NOP56: variants seen among roughly 807,000 people sequenced by gnomAD.
The protein encoded by NOP56 is nucleolar protein 56.
In NOP56, 31 loss-of-function variants were observed where a neutral mutation model predicts 58.3. The observed-to-expected ratio is 0.53, with a 90% confidence interval of 0.40 to 0.72. The LOEUF is 0.72. Among genes scored for constraint, NOP56 ranks in the 30% least tolerant of loss-of-function variants. NOP56 has a pLI of 0.00. For missense variants in NOP56, 669 were observed against 739.9 expected (o/e 0.90, Z 1.11); for synonymous variants, 313 against 282.8 (o/e 1.11, Z -1.07).
chr20:2,655,146 A>G (rs1414550465), intron 5 of NOP56, 179 bp from the exon 6 acceptor site: 2 of 1,032,464 alleles, frequency 1.9e-6, no homozygotes, highest in Non-Finnish European at 3.1e-6. Context: ...TACCCCATAT[A>G]CACCTCAGCT....
chr20:2,652,842 G>T lies in NOP56; in HGVS notation c.4G>T (p.Val2Leu), dbSNP rs1414345034. The T allele has an allele frequency of 6.8e-6, 11 of 1,610,434 alleles. No homozygotes were observed. The highest frequency in any genetic ancestry group is 9.3e-6 in the Non-Finnish European group (11 of 1,178,964). Residue 2 changes from valine to leucine, a missense_variant and splice_region_variant, in exon 2 of 12, where the codon GTG becomes TTG. Physicochemically the swap from Val to Leu is conservative, Grantham distance 32 (BLOSUM62 1). Coordinates refer to ENST00000329276, the MANE Select transcript of NOP56 (RefSeq NM_006392.4). M[V>L]LLHVLFEHAV... is the part of the protein sequence containing the mutation. ...GCTCGCGCCCCGGCTCCCGTTCCAG[G>T]TGCTGTTGCACGTGCTGTTTGAGCA...
chr20:2,657,854 C>G (rs2086847627), intron 11 of NOP56, 75 bp from the exon 12 acceptor site: 1 of 1,478,546 alleles, frequency 6.8e-7, no homozygotes, highest in Non-Finnish European at 9.1e-7. Context: ...ACGCGTTCCC[C>G]TGCCTTGGCT....
At chr20:2,653,004 G>C in intron 2 of NOP56, 73 bp downstream of exon 2, 1 of 1,368,794 alleles carries the variant, frequency 7.3e-7, no homozygotes, top group Non-Finnish European at 9.9e-7. Flanking sequence ...TGCACAGCGC[G>C]CTCCCACGTG....
rs762613579 is a variant in NOP56 at position 2,655,420 on chromosome 20, A to G, written c.665A>G (p.Glu222Gly). 6.2e-7 allele frequency: 1 copy of G among 1,614,066 alleles called. No homozygotes were observed. Among genetic ancestry groups the G allele is most frequent in the Admixed American group, 1.7e-5 (1 of 60,010 alleles). ...GCCCAGTTTATTGGAAACCGAAGGG[A>G]ACTGAATGAGGACAAGCTGGAGAAG... Reference protein sequence around the residue: ...RLAQFIGNRRELNEDKLEKLE... With the variant: ...RLAQFIGNRRGLNEDKLEKLE... Residue 222 changes from glutamate to glycine, a missense_variant, in exon 6 of 12, where the codon GAA becomes GGA. Glu to Gly is a moderately conservative substitution (Grantham distance 98, BLOSUM62 -2). Around this residue, in one of 3 missense-constraint regions of NOP56, gnomAD observed 339 missense variants for 430.5 expected, o/e 0.79. Coordinates refer to ENST00000329276, the MANE Select transcript of NOP56 (RefSeq NM_006392.4).
intron 3 of NOP56, 26 bp downstream of exon 3, chr20:2,653,419 C>T (rs371013141): frequency 3.2e-6 from 5 of 1,577,784 alleles, no homozygotes; most frequent in South Asian, 1.1e-5. Flanking sequence ...CCAAGTGTCA[C>T]AGAGAGATGT....
rs5856 is a variant in NOP56, at chr20:2,658,236, T to C, written c.1727T>C (p.Val576Ala). 0.28 allele frequency: 448,263 copies of C among 1,596,036 alleles called. 67,562 individuals carry two copies. The highest frequency in any genetic ancestry group is 0.57 in the African/African-American group (42,035 of 74,330). The change falls in exon 12 of 12, where the codon GTT becomes GCT. Residue 576 changes from valine to alanine, a missense_variant. Physicochemically the swap from Val to Ala is moderately conservative, Grantham distance 64. This residue lies in a region of NOP56 where 209 missense variants were observed against 196.2 expected (regional missense o/e 1.07). Transcript: ENST00000329276. The stretch of plus-strand genomic sequence containing the variant: ...GTCAGCAGTGGGCCTGAAGAGGCGG[T>C]TGGCAAGAGCAGCTCCAAGAAGAAG... ...EPVSSGPEEA[V>A]GKSSSKKKKK...
At chr20:2,657,734 A>C in intron 11 of NOP56, 195 bp from the exon 12 acceptor site, 1 of 628,736 alleles carries the variant, frequency 1.6e-6, no homozygotes, top group Non-Finnish European at 2.7e-6. Flanking sequence ...GGCTGAGGTA[A>C]TTTCTCATGA....
chr20:2,657,041 C>T (rs1257725404), intron 10 of NOP56, 40 bp from the exon 11 acceptor site: 3 of 1,613,912 alleles, frequency 1.9e-6, no homozygotes, highest in Non-Finnish European at 2.5e-6. Flanking sequence ...CTCAGAGCAC[C>T]AGAAGTCTTC....
intron 3 of NOP56, chr20:2,654,120 C>G (rs192728412): frequency 3.3e-6 from 2 of 607,602 alleles, no homozygotes; most frequent in Non-Finnish European, 6.3e-6. Flanking sequence ...GCAAATTCTA[C>G]GAAATACTCG....
chr20:2,654,145 G>A (rs1251363877), intron 3 of NOP56: 3 of 678,916 alleles, frequency 4.4e-6, no homozygotes, highest in Middle Eastern at 2.5e-4. Context: ...TGTGTTACAA[G>A]CTATTATTTA....
At chr20:2,653,559 G>C (rs75055953) in intron 3 of NOP56, 166 bp downstream of exon 3, 10,946 of 624,930 alleles carry the variant, frequency 0.018, 767 homozygotes, top group African/African-American at 0.16. Flanking sequence ...TCTTCACAGA[G>C]CTCAAGGTCT....
rs758609993 is a variant in NOP56 at position 2,655,597 on chromosome 20, A to C, written c.760A>C (p.Met254Leu). ...CATTCACACTTGGTTTTTCCTAGGCATGGACATATCTGCCATTGACTTGAT... is the reference window on the plus strand; with the variant it reads ...CATTCACACTTGGTTTTTCCTAGGCCTGGACATATCTGCCATTGACTTGAT... ...ILDASRSSMGMDISAIDLINI... is the reference protein window; with the variant it reads ...ILDASRSSMGLDISAIDLINI... The change falls in exon 7 of 12, where the codon ATG becomes CTG. Residue 254 changes from methionine (M) to leucine (L), a missense_variant and splice_region_variant. By Grantham distance (15) the Met-to-Leu change is conservative. Coordinates refer to ENST00000329276, the MANE Select transcript of NOP56 (RefSeq NM_006392.4). 4 of 1,614,194 alleles carry C rather than the reference A, an allele frequency of 2.5e-6. No homozygotes were observed. The highest frequency in any genetic ancestry group is 2.5e-6 in the Non-Finnish European group (3 of 1,180,020).
At position 2,657,926 on chromosome 20, in the gene NOP56, T is replaced by G. The variant is rs746103811; in HGVS notation, c.1420-3T>G. The G allele has an allele frequency of 6.3e-7, 1 of 1,579,182 alleles. No individual in the cohort carries two copies. The highest frequency in any genetic ancestry group is 1.9e-5 in the Admixed American group (1 of 53,948). Reference sequence around the variant, plus strand: ...CAGCCTGTTCCCCTGTCCTTCCCTTTAGGAGATGAGTGAAAAACCCAAAAA... The same window carrying G: ...CAGCCTGTTCCCCTGTCCTTCCCTTGAGGAGATGAGTGAAAAACCCAAAAA... On this transcript the variant is annotated splice_polypyrimidine_tract_variant and splice_region_variant and intron_variant, in intron 11 of 11. Transcript: ENST00000329276.
chr20:2,657,983 C>G lies in NOP56; in HGVS notation c.1474C>G (p.Gln492Glu). 6.2e-7 allele frequency: 1 copy of G among 1,610,328 alleles called. No homozygotes were observed. The highest frequency in any genetic ancestry group is 8.5e-7 in the Non-Finnish European group (1 of 1,177,526). Residue 492 changes from glutamine to glutamate, a missense_variant, in exon 12 of 12, where the codon CAG (glutamine) becomes GAG (glutamate). By Grantham distance (29) the Gln-to-Glu change is conservative (BLOSUM62 2). Around this residue, in one of 3 missense-constraint regions of NOP56, gnomAD observed 209 missense variants for 196.2 expected, o/e 1.07. Coordinates refer to ENST00000329276, the MANE Select transcript of NOP56 (RefSeq NM_006392.4). ...KKKQKPQEVP[Q>E]ENGMEDPSIS... is the part of the protein sequence containing the mutation. ...AAAGCAAAAGCCCCAGGAGGTTCCT[C>G]AGGAGAATGGAATGGAAGACCCATC...
At chr20:2,655,195 A>G (rs1191401363) in intron 5 of NOP56, 130 bp from the exon 6 acceptor site, 4 of 1,264,868 alleles carry the variant, frequency 3.2e-6, no homozygotes, top group South Asian at 1.2e-5. Flanking sequence ...ATGGGGGAAC[A>G]TAGAATTGAG....
Position 2,655,736 on chromosome 20 carries a change from T to G in NOP56, c.899T>G (p.Ile300Ser). 6.2e-7 allele frequency: 1 copy of G among 1,614,142 alleles called. No homozygotes were observed. Among genetic ancestry groups the G allele is most frequent in the Non-Finnish European group, 8.5e-7 (1 of 1,180,014 alleles). Residue 300 changes from isoleucine to serine, a missense_variant, in exon 7 of 12, where the codon ATT becomes AGT. Physicochemically the swap from Ile to Ser is moderately radical, Grantham distance 142. This residue lies in a region of NOP56 where 339 missense variants were observed against 430.5 expected (regional missense o/e 0.79). Transcript: ENST00000329276. ...GTAGCCCCCAGCCTGTCAGCCCTAA[T>G]TGGGGAAGCGGTGCGTCACAGGGGA... ...SQVAPSLSAL[I>S]GEAVGARLIA...
rs749827717 is a variant in NOP56 at position 2,654,323 on chromosome 20, C to T, written c.209-91C>T. The T allele has an allele frequency of 1.5e-4, 208 of 1,359,596 alleles. 1 individual carries two copies. Among genetic ancestry groups the T allele is most frequent in the South Asian group, 6.0e-4 (51 of 85,556 alleles). The allele number at this position is 1,359,596 out of a possible 1,614,324, so 84.2% of individuals were successfully genotyped here. A position where few individuals can be genotyped will look rare whatever the true frequency, so the allele number is the denominator to read the frequency against. ...GAGGGATCTAGGTATGCCATCCCAG[C>T]GTGCTCGGTGGGACCAGGGTAGTCA... On this transcript the variant is annotated intron_variant, in intron 3 of 11. Transcript: ENST00000329276.
chr20:2,652,846 T>C lies in NOP56; in HGVS notation c.8T>C (p.Leu3Pro). The change falls in exon 2 of 12, where the codon CTG (leucine) becomes CCG (proline). Residue 3 changes from leucine to proline, a missense_variant. Around this residue, in one of 3 missense-constraint regions of NOP56, gnomAD observed 121 missense variants for 113.1 expected, o/e 1.07. Transcript: ENST00000329276. ...GCGCCCCGGCTCCCGTTCCAGGTGCTGTTGCACGTGCTGTTTGAGCACGCG... is the reference window on the plus strand; with the variant it reads ...GCGCCCCGGCTCCCGTTCCAGGTGCCGTTGCACGTGCTGTTTGAGCACGCG... MV[L>P]LHVLFEHAVG... 1.2e-6 allele frequency: 2 copies of C among 1,610,790 alleles called. No individual in the cohort carries two copies. Among genetic ancestry groups the C allele is most frequent in the Non-Finnish European group, 1.7e-6 (2 of 1,179,010 alleles).
At chr20:2,656,372 C>A in intron 8 of NOP56, 29 bp from the exon 9 acceptor site, 1 of 1,613,744 alleles carries the variant, frequency 6.2e-7, no homozygotes, top group South Asian at 1.1e-5. Flanking sequence ...AATTTCTGAT[C>A]TTAAACTCTC....
Sources: gnomAD v4.1 joint callset for allele counts on GRCh38, gnomAD v4.1.1 for gene constraint, gnomAD v4.1.1 regional missense constraint, MANE v1.5 for transcripts, NCBI Gene and HGNC (gene_info 2026-07-23, HGNC 2026-07-21) for gene names.